Variants in DOCK8 observed in about 807,000 individuals in gnomAD.
DOCK8 encodes dedicator of cytokinesis 8.
Under a neutral mutation model 245.6 loss-of-function variants are expected in DOCK8, and 141 were observed. The ratio of observed to expected loss-of-function variants is 0.57; its 90% CI spans 0.50 to 0.66. DOCK8 has a LOEUF of 0.66. DOCK8 is among the 30% of genes least tolerant of loss of function. DOCK8 has a pLI of 0.00. For missense variants in DOCK8, 2,965 were observed against 2,603.4 expected (o/e 1.14, Z -3.02); for synonymous variants, 1,168 against 970.2 (o/e 1.20, Z -3.79).
intron 1 of DOCK8, among the ~76,000 whole-genome samples, chr9:233,606 G>T (rs1378287339): frequency 6.6e-6 from 1 of 151,980 alleles, no homozygotes; most frequent in African/African-American, 2.4e-5. Flanking sequence ...ATATATTTAG[G>T]ATAGTTAGCT....
At chr9:438,530 C>G (rs2056979186) in intron 39 of DOCK8, among the ~76,000 whole-genome samples, 1 of 152,222 alleles carries the variant, frequency 6.6e-6, no homozygotes. Context: ...GGCACTCACC[C>G]TCAGGGTCGA....
chr9:253,247 G>C (rs980758422), intron 1 of DOCK8, among the ~76,000 whole-genome samples: 1 of 152,154 alleles, frequency 6.6e-6, no homozygotes, highest in Non-Finnish European at 1.5e-5. Flanking sequence ...GGTTTAGTTT[G>C]TATGTTATTC....
rs192717366 is a variant in DOCK8 at position 464,213 on chromosome 9, C to G, written c.6294C>G (p.Gly2098=). ...FRKCETQLSQ[G]S is the part of the protein sequence containing the mutation. ...AATGTGAAACCCAGTTGTCACAGGG[C>G]AGCTAAGAAAAGCCATCTTCATTCG... Residue 2098 remains glycine (G), a synonymous_variant, in exon 48 of 48, where the codon GGC becomes GGG. Coordinates refer to ENST00000432829, the MANE Select transcript of DOCK8 (RefSeq NM_203447.4). The G allele has an allele frequency of 1.2e-6, 2 of 1,613,698 alleles. No homozygotes were observed. The highest frequency in any genetic ancestry group is 1.7e-6 in the Non-Finnish European group (2 of 1,179,582).
intron 4 of DOCK8, among the ~76,000 whole-genome samples, chr9:294,550 C>A (rs946619841): frequency 1.3e-5 from 2 of 152,226 alleles, no homozygotes; most frequent in African/African-American, 4.8e-5. Flanking sequence ...AGTTTCCTTT[C>A]CTTATGTGTT....
chr9:280,259 A>G (rs1309853826), intron 2 of DOCK8, among the ~76,000 whole-genome samples: 2 of 152,230 alleles, frequency 1.3e-5, no homozygotes, highest in African/African-American at 4.8e-5. Flanking sequence ...ACAACTAAAA[A>G]GAAAGACTGC....
intron 1 of DOCK8, among the ~76,000 whole-genome samples, chr9:221,949 A>G (rs563427101): frequency 5.3e-5 from 8 of 152,186 alleles, no homozygotes; most frequent in African/African-American, 1.7e-4. Flanking sequence ...ATTTTCTATT[A>G]TTGGGCATGA....
At chr9:422,593 A>G (rs2056319748) in intron 33 of DOCK8, among the ~76,000 whole-genome samples, 1 of 152,256 alleles carries the variant, frequency 6.6e-6, no homozygotes, top group African/African-American at 2.4e-5. Context: ...ATAGAAAAAT[A>G]TATTTAAAAG....
At chr9:258,839 C>G (rs2047845582) in intron 1 of DOCK8, among the ~76,000 whole-genome samples, 2 of 152,084 alleles carry the variant, frequency 1.3e-5, no homozygotes, top group South Asian at 2.1e-4. Flanking sequence ...CTCAGGTGAT[C>G]TGCCCGCCTT....
At chr9:450,117 C>G (rs2057381354) in intron 45 of DOCK8, among the ~76,000 whole-genome samples, 190 bp downstream of exon 45, 1 of 152,142 alleles carries the variant, frequency 6.6e-6, no homozygotes, top group South Asian at 2.1e-4. Context: ...TTTCATGTAA[C>G]AACCCCAGGT....
In DOCK8 at chr9:334,601, C is replaced by G. The variant is rs527334279; in HGVS notation, c.1285+217C>G. Among the ~76,000 whole-genome samples, 167 of 152,174 alleles carry G rather than the reference C, an allele frequency of 1.1e-3. 1 individual carries two copies. The highest frequency in any genetic ancestry group is 2.3e-3 in the Admixed American group (35 of 15,282). On this transcript the variant is annotated intron_variant, in intron 11 of 47. Coordinates refer to ENST00000432829, the MANE Select transcript of DOCK8 (RefSeq NM_203447.4). The stretch of plus-strand genomic sequence containing the variant: ...CGAACATTGGTGAAGATTAAGTATA[C>G]TCTTATAGTAAGATTTTCTAGATGG...
At chr9:251,583 C>A (rs549215392) in intron 1 of DOCK8, among the ~76,000 whole-genome samples, 2 of 152,164 alleles carry the variant, frequency 1.3e-5, no homozygotes, top group African/African-American at 4.8e-5. Flanking sequence ...TTCTGAGATG[C>A]GCCTGGTGAT....
intron 24 of DOCK8, among the ~76,000 whole-genome samples, chr9:391,269 C>T (rs1301414006): frequency 6.6e-6 from 1 of 152,302 alleles, no homozygotes; most frequent in East Asian, 1.9e-4. Context: ...ATATCTTCCT[C>T]TATTATCCTC....
rs2297079 is a variant in DOCK8 at position 421,032 on chromosome 9, C to G, written c.4107C>G (p.Leu1369=). Residue 1369 remains leucine (L), a synonymous_variant, in exon 32 of 48, where the codon CTC becomes CTG. Coordinates refer to ENST00000432829, the MANE Select transcript of DOCK8 (RefSeq NM_203447.4). ...DVKARLEEAL[L]RGEGARGEMM... ...AGGCCCGGCTGGAAGAGGCTTTGCTCCGTGGGGAAGGGGCCAGAGGGGAGA... is the reference window on the plus strand; with the variant it reads ...AGGCCCGGCTGGAAGAGGCTTTGCTGCGTGGGGAAGGGGCCAGAGGGGAGA... The G allele has an allele frequency of 0.57, 916,137 of 1,613,794 alleles. 271,763 individuals carry two copies. The highest frequency in any genetic ancestry group is 0.62 in the Non-Finnish European group (737,284 of 1,179,828).
intron 44 of DOCK8, among the ~76,000 whole-genome samples, 193 bp downstream of exon 44, chr9:446,799 C>G (rs372275028): frequency 6.6e-6 from 1 of 151,824 alleles, no homozygotes; most frequent in African/African-American, 2.4e-5. Flanking sequence ...TTTTATAGCA[C>G]TATTGTATAT....
At chr9:456,025 C>G (rs1322181513) in intron 46 of DOCK8, among the ~76,000 whole-genome samples, 4 of 152,192 alleles carry the variant, frequency 2.6e-5, no homozygotes, top group Non-Finnish European at 5.9e-5. Flanking sequence ...AACAGTACTG[C>G]TGCTCATTAT....
At chr9:302,162 A>G (rs2049583900) in intron 4 of DOCK8, among the ~76,000 whole-genome samples, 1 of 152,226 alleles carries the variant, frequency 6.6e-6, no homozygotes, top group Non-Finnish European at 1.5e-5. Flanking sequence ...ACGTAGACCA[A>G]TAGAACAAGA....
At chr9:427,111 G>C (rs1002483436) in intron 34 of DOCK8, 130 bp downstream of exon 34, 1 of 799,176 alleles carries the variant, frequency 1.3e-6, no homozygotes, top group East Asian at 2.7e-5. Flanking sequence ...AAATGAAGTT[G>C]AGAAGTTTAC....
At chr9:354,830 CAGAA>C (rs1308023711) in intron 14 of DOCK8, among the ~76,000 whole-genome samples, 2 of 152,196 alleles carry the variant, frequency 1.3e-5, no homozygotes, top group Non-Finnish European at 2.9e-5. Context: ...GGGTAAGAGA[CAGAA>C]AGCAAGACAG....
intron 14 of DOCK8, among the ~76,000 whole-genome samples, chr9:353,534 ATAT>A (rs1189079664): frequency 6.6e-6 from 1 of 152,210 alleles, no homozygotes; most frequent in African/African-American, 2.4e-5. Flanking sequence ...TCTGGTATTT[ATAT>A]GTGTTTTTCT....
Sources: allele counts gnomAD v4.1 joint callset (sites outside exome capture counted in the v4.1 genomes callset), GRCh38; gene constraint gnomAD v4.1.1; transcripts MANE v1.5; gene names NCBI Gene and HGNC (gene_info 2026-07-23, HGNC 2026-07-21).